Variants in TBC1D2 observed in about 807,000 individuals in gnomAD.
The protein encoded by TBC1D2 is TBC1 domain family member 2.
In TBC1D2, 58 loss-of-function variants were observed where a neutral mutation model predicts 91.1. The ratio of observed to expected loss-of-function variants is 0.64; its 90% CI spans 0.52 to 0.79. The LOEUF is 0.79. Among genes scored for constraint, TBC1D2 ranks in the 30% least tolerant of loss-of-function variants. The pLI, the probability that TBC1D2 is intolerant of heterozygous loss-of-function variation, is 0.00. For synonymous variants in TBC1D2, 482 were observed against 511.5 expected, an observed-to-expected ratio of 0.94 and a Z score of 0.78; for missense variants, 1,080 against 1,208.3, an observed-to-expected ratio of 0.89 and a Z score of 1.57.
At chr9:98,244,159 G>GC (rs1342502214) in intron 2 of TBC1D2, 30 bp from the exon 3 acceptor site, 2 of 1,610,816 alleles carry the variant, frequency 1.2e-6, no homozygotes, top group Non-Finnish European at 1.7e-6. Context: ...AAATCCATCA[G>GC]CTGGGTCACT....
intron 7 of TBC1D2, 69 bp from the exon 8 acceptor site, chr9:98,210,912 AAC>A: frequency 1.7e-5 from 25 of 1,441,368 alleles, no homozygotes; most frequent in Non-Finnish European, 2.3e-5. Context: ...CTGAGGCCTG[AAC>A]AGCTTTAGGC....
intron 1 of TBC1D2, 117 bp from the exon 2 acceptor site, chr9:98,252,043 A>T: frequency 1.5e-6 from 2 of 1,321,064 alleles, no homozygotes. Flanking sequence ...GAAAAAAAAA[A>T]GGGGGTCACT....
At chr9:98,219,231 GCTAACATGC>G (rs1379546430) in intron 6 of TBC1D2, among the ~76,000 whole-genome samples, 1 of 152,190 alleles carries the variant, frequency 6.6e-6, no homozygotes, top group Non-Finnish European at 1.5e-5. Flanking sequence ...ACAGAGGTGA[GCTAACATGC>G]CTAAAGTCAC....
Position 98,243,943 on chromosome 9 carries a change from T to G in TBC1D2, c.647+51A>C, listed in dbSNP as rs530036554. ...AGAATCACAGTGGGTCAAGCTCCAC[T>G]GAAGGGGCTGCCTGCAGCTTGGCTA... On this transcript the variant is annotated intron_variant, in intron 3 of 12. Transcript: ENST00000465784. 29 of 1,571,946 alleles carry G rather than the reference T, an allele frequency of 1.8e-5. No homozygotes were observed. The African/African-American group carries it at 2.1e-4, about 12-fold the overall frequency.
intron 2 of TBC1D2, among the ~76,000 whole-genome samples, chr9:98,251,426 T>C (rs1228628799): frequency 6.6e-6 from 1 of 152,186 alleles, no homozygotes; most frequent in Non-Finnish European, 1.5e-5. Context: ...ATCACAATAG[T>C]AGCTCACAAG....
chr9:98,242,971 G>C (rs547509510), intron 3 of TBC1D2, among the ~76,000 whole-genome samples: 3 of 151,998 alleles, frequency 2.0e-5, no homozygotes, highest in African/African-American at 7.2e-5. Flanking sequence ...TGTAGAGGCA[G>C]GGTCTCAGAA....
chr9:98,216,708 CT>C (rs758854952), intron 6 of TBC1D2, among the ~76,000 whole-genome samples: 1 of 152,028 alleles, frequency 6.6e-6, no homozygotes, highest in East Asian at 1.9e-4. Flanking sequence ...ATTTTTCTTT[CT>C]TTTTTTATTT....
intron 10 of TBC1D2, among the ~76,000 whole-genome samples, chr9:98,202,094 T>A (rs1348647429): frequency 6.6e-6 from 1 of 152,186 alleles, no homozygotes; most frequent in Non-Finnish European, 1.5e-5. Flanking sequence ...CACAGCCCCT[T>A]CTCTATACCC....
At position 98,213,114 on chromosome 9, in the gene TBC1D2, C is replaced by T; in HGVS notation, c.1479G>A (p.Leu493=). The T allele has an allele frequency of 6.2e-7, 1 of 1,614,108 alleles. No individual in the cohort carries two copies. The highest frequency in any genetic ancestry group is 1.1e-5 in the South Asian group (1 of 91,072). Residue 493 remains leucine, a synonymous_variant, in exon 7 of 13, where the codon CTG becomes CTA. Coordinates refer to ENST00000465784, the MANE Select transcript of TBC1D2 (RefSeq NM_001267571.2). ...ATAGGGCCCCACCCCGCACCTTCGTCAGAAGGGCCTTCTCCTTCTCAGCCA... is the reference window on the plus strand; with the variant it reads ...ATAGGGCCCCACCCCGCACCTTCGTTAGAAGGGCCTTCTCCTTCTCAGCCA... The part of the protein sequence containing the change: ...RKVAEKEKAL[L]TKCAYLQARN...
chr9:98,234,689 C>T (rs1829458758), intron 3 of TBC1D2: 1 of 152,324 alleles, frequency 6.6e-6, no homozygotes, highest in South Asian at 2.1e-4. Context: ...TCCCATCCAT[C>T]CTGTCTCCCA....
At chr9:98,240,564 G>C (rs1399324949) in intron 3 of TBC1D2, among the ~76,000 whole-genome samples, 1 of 152,202 alleles carries the variant, frequency 6.6e-6, no homozygotes, top group Non-Finnish European at 1.5e-5. Flanking sequence ...AGTCACATGA[G>C]TTGGAGAGGG....
chr9:98,208,240 A>G (rs555898493), intron 9 of TBC1D2, among the ~76,000 whole-genome samples: 155 of 152,234 alleles, frequency 1.0e-3, no homozygotes, highest in African/African-American at 3.7e-3. Context: ...ACCTAGGCTC[A>G]TGTCTTCAGG....
chr9:98,232,491 A>AT (rs1157507064), intron 4 of TBC1D2, among the ~76,000 whole-genome samples: 2 of 151,360 alleles, frequency 1.3e-5, no homozygotes, highest in South Asian at 4.2e-4. Flanking sequence ...TAATTTTTTT[A>AT]TTTTTTTGTA....
At chr9:98,238,777 C>T (rs1004547442) in intron 3 of TBC1D2, among the ~76,000 whole-genome samples, 3 of 136,420 alleles carry the variant, frequency 2.2e-5, no homozygotes, top group Non-Finnish European at 4.4e-5. Context: ...GCTGCTCTGT[C>T]GCCCAGGCTG....
Position 98,255,563 on chromosome 9 carries a change from G to T in TBC1D2, c.-22C>A. 1 of 1,490,364 alleles carries T rather than the reference G, an allele frequency of 6.7e-7. No homozygotes were observed. 92.3% of individuals were successfully genotyped at this position (1,490,364 alleles called of 1,614,324 possible). On this transcript the variant is annotated 5_prime_UTR_variant, in exon 1 of 13. Transcript: ENST00000465784. ...CCATCGCTGCCAGCCGGAGACTGCG[G>T]AGGGACGAGGGGTCCGCGGGACCAC...
chr9:98,216,953 G>A (rs867528620), intron 6 of TBC1D2, among the ~76,000 whole-genome samples: 5 of 152,132 alleles, frequency 3.3e-5, no homozygotes, highest in Admixed American at 6.5e-5. Flanking sequence ...TCCTCCAACC[G>A]TGGCCTCTCA....
At chr9:98,201,348 GC>G in intron 11 of TBC1D2, 130 bp downstream of exon 11, 2 of 799,950 alleles carry the variant, frequency 2.5e-6, no homozygotes, top group Non-Finnish European at 3.9e-6. Context: ...AGTTGACAAT[GC>G]TCTCAGGAGA....
chr9:98,231,392 T>G (rs1175764861), intron 4 of TBC1D2, among the ~76,000 whole-genome samples: 3 of 151,556 alleles, frequency 2.0e-5, no homozygotes, highest in African/African-American at 7.3e-5. Context: ...TAGAAAAGAT[T>G]TATTGACATA....
chr9:98,203,257 G>A (rs778553116), intron 10 of TBC1D2, 31 bp downstream of exon 10: 4 of 1,613,332 alleles, frequency 2.5e-6, no homozygotes, highest in Non-Finnish European at 2.5e-6. Flanking sequence ...TGCCCTACAT[G>A]GCTGCAAAGT....
Sources: allele counts gnomAD v4.1 joint callset (sites outside exome capture counted in the v4.1 genomes callset), GRCh38; gene constraint gnomAD v4.1.1; transcripts MANE v1.5; gene names NCBI Gene and HGNC (gene_info 2026-07-23, HGNC 2026-07-21).